The following COMMD9 variants were observed in gnomAD, a reference collection of about 807,000 sequenced individuals.
COMMD9 encodes the protein COMM domain-containing protein 9.
Under a neutral mutation model 23.4 loss-of-function variants are expected in COMMD9, and 22 were observed. The observed-to-expected ratio is 0.94, with a 90% CI of 0.67 to 1.34. The LOEUF (loss-of-function observed/expected upper bound fraction) is 1.34. Among genes scored for constraint, COMMD9 ranks in the 40% most tolerant of loss-of-function variants. The pLI is 0.00. For missense variants in COMMD9, 231 were observed against 240.2 expected (o/e 0.96, Z 0.25); for synonymous variants, 99 against 97.4 (o/e 1.02, Z -0.10).
At position 36,278,498 on chromosome 11, in the gene COMMD9, G is replaced by C; in HGVS notation, c.296C>G (p.Thr99Arg). The C allele has an allele frequency of 1.9e-6, 3 of 1,613,870 alleles. No individual in the cohort carries two copies. Among genetic ancestry groups the C allele is most frequent in the Non-Finnish European group, 2.5e-6 (3 of 1,179,730 alleles). Residue 99 changes from threonine to arginine, a missense_variant, in exon 3 of 6, where the codon ACA (threonine) becomes AGA (arginine). Coordinates refer to ENST00000263401, the MANE Select transcript of COMMD9 (RefSeq NM_014186.4). ...TTACACATGTTCTAGGATGATCTTT[G>C]TCAGCAGGTTTTTGAGGTTTTGGTG... Reference protein sequence around the residue: ...NFHQNLKNLLTKIILEHVSTW... With the variant: ...NFHQNLKNLLRKIILEHVSTW...
At chr11:36,277,956 C>G (rs1201212038) in intron 3 of COMMD9, among the ~76,000 whole-genome samples, 1 of 152,162 alleles carries the variant, frequency 6.6e-6, no homozygotes, top group Non-Finnish European at 1.5e-5. Flanking sequence ...GCCAAACCCT[C>G]AAAATGTCCA....
chr11:36,280,055 A>G (rs1422763660), intron 2 of COMMD9, among the ~76,000 whole-genome samples: 1 of 152,192 alleles, frequency 6.6e-6, no homozygotes, highest in Non-Finnish European at 1.5e-5. Context: ...GCAGTGAGCC[A>G]TGTCCATGCC....
chr11:36,278,646 G>A (rs1372844646), intron 2 of COMMD9, 30 bp from the exon 3 acceptor site: 4 of 1,607,842 alleles, frequency 2.5e-6, no homozygotes, highest in Non-Finnish European at 3.4e-6. Flanking sequence ...ACCTGTAGCT[G>A]TAACAGAAGC....
intron 1 of COMMD9, among the ~76,000 whole-genome samples, chr11:36,286,227 T>G (rs1052970209): frequency 1.2e-4 from 18 of 151,852 alleles, no homozygotes; most frequent in Non-Finnish European, 2.5e-4. Context: ...GTATTTCTAT[T>G]TATTAACAAT....
chr11:36,277,222 C>G (rs1855988760), intron 3 of COMMD9, 99 bp from the exon 4 acceptor site: 1 of 689,546 alleles, frequency 1.5e-6, no homozygotes, highest in Non-Finnish European at 2.3e-6. Context: ...ATCTTCAGAC[C>G]TGTCATCACC....
chr11:36,274,600 G>A lies in COMMD9; in HGVS notation c.*32C>T. The A allele has an allele frequency of 6.2e-7, 1 of 1,613,742 alleles. No individual in the cohort carries two copies. The highest frequency in any genetic ancestry group is 2.2e-5 in the East Asian group (1 of 44,882). On this transcript the variant is annotated 3_prime_UTR_variant, in exon 6 of 6. Transcript: ENST00000263401. ...GACATTTATCACTCATGAGCAGCTG[G>A]GTCATGGCAGTGGCCCTGGCAGCTG...
intron 1 of COMMD9, among the ~76,000 whole-genome samples, chr11:36,288,200 CAA>C (rs1856204317): frequency 6.6e-6 from 1 of 151,922 alleles, no homozygotes; most frequent in African/African-American, 2.4e-5. Context: ...CACTTGTGAA[CAA>C]AAGAGTAGAT....
At chr11:36,281,231 C>T (rs1246646021) in intron 1 of COMMD9, among the ~76,000 whole-genome samples, 1 of 152,134 alleles carries the variant, frequency 6.6e-6, no homozygotes, top group Non-Finnish European at 1.5e-5. Context: ...CAATAAATAG[C>T]TCTTCTGTCT....
chr11:36,278,403 C>G, intron 3 of COMMD9, 74 bp downstream of exon 3: 5 of 1,383,516 alleles, frequency 3.6e-6, no homozygotes, highest in Non-Finnish European at 5.1e-6. Flanking sequence ...GAGCATATTA[C>G]TACTTCTAGA....
In COMMD9 at chr11:36,289,214, A is replaced by G. The variant is rs2133439651; in HGVS notation, c.51+148T>C. On this transcript the variant is annotated intron_variant, in intron 1 of 5. Transcript: ENST00000263401. Reference sequence around the variant, plus strand: ...TGTTCTTACTTTTTAAAAGCTCAGAAAGACGCAACGATTTGCCTGGGATCA... The same window carrying G: ...TGTTCTTACTTTTTAAAAGCTCAGAGAGACGCAACGATTTGCCTGGGATCA... 5 of 632,656 alleles carry G rather than the reference A, an allele frequency of 7.9e-6. No homozygotes were observed. In the East Asian group the frequency reaches 1.6e-4, roughly 20 times the overall value. 39.2% of individuals were successfully genotyped at this position (632,656 alleles called of 1,614,324 possible).
Position 36,280,724 on chromosome 11 carries a change from CTCCTGGGTCA to C in COMMD9, c.155_164del (p.Val52GlyfsTer44), listed in dbSNP as rs756748839. 6.2e-6 allele frequency: 10 copies of C among 1,603,790 alleles called. No individual in the cohort carries two copies. In the African/African-American group the frequency reaches 1.1e-4, roughly 17 times the overall value. On this transcript the variant is annotated frameshift_variant, in exon 2 of 6. Transcript: ENST00000263401. LOFTEE classifies it high-confidence loss of function. ...TGACCACACTTACTTCCTCTGCCTC[CTCCTGGGTCA>C]CAGACAAGCTGGAACATGTAACATC...
intron 2 of COMMD9, 33 bp downstream of exon 2, chr11:36,280,679 C>A: frequency 2.6e-6 from 4 of 1,536,334 alleles, no homozygotes; most frequent in Middle Eastern, 1.8e-4. Flanking sequence ...ATAAGAGGGC[C>A]AGTGGCCAAA....
chr11:36,274,957 CA>C (rs539475897), intron 5 of COMMD9, among the ~76,000 whole-genome samples, 185 bp from the exon 6 acceptor site: 16 of 152,342 alleles, frequency 1.1e-4, no homozygotes, highest in Admixed American at 9.8e-4. Flanking sequence ...GGAGATACCT[CA>C]GAGGCCTGGG....
rs962950483 is a variant in COMMD9 at position 36,274,251 on chromosome 11, G to A, written c.*381C>T. ...TGGGATTGGAAATGAACTAATTAGA[G>A]CTAATGTTGGAAATAAACTTACTTA... On this transcript the variant is annotated 3_prime_UTR_variant, in exon 6 of 6. Transcript: ENST00000263401. 3 of 468,998 alleles carry A rather than the reference G, an allele frequency of 6.4e-6. No homozygotes were observed. The highest frequency in any genetic ancestry group is 1.3e-5 in the Non-Finnish European group (3 of 235,942). The allele number at this position is 468,998 out of a possible 1,614,324, so 29.1% of individuals were successfully genotyped here. A position where few individuals can be genotyped will look rare whatever the true frequency, so the allele number is the denominator to read the frequency against.
At chr11:36,278,747 C>G in intron 2 of COMMD9, 131 bp from the exon 3 acceptor site, 1 of 849,852 alleles carries the variant, frequency 1.2e-6, no homozygotes, top group Non-Finnish European at 1.7e-6. Flanking sequence ...AGTCACAAGT[C>G]CAGAGGCCTC....
rs761485646 is a variant in COMMD9 at position 36,277,108 on chromosome 11, G to C, written c.333C>G (p.Thr111=). The C allele has an allele frequency of 6.2e-7, 1 of 1,604,200 alleles. No individual in the cohort carries two copies. Among genetic ancestry groups the C allele is most frequent in the African/African-American group, 1.3e-5 (1 of 74,564 alleles). The change falls in exon 4 of 6, where the codon ACC becomes ACG. Residue 111 remains threonine (T), a synonymous_variant. Coordinates refer to ENST00000263401, the MANE Select transcript of COMMD9 (RefSeq NM_014186.4). ...IILEHVSTWR[T]EAQANQISLP... ...ACTCACTCTGATTTGCCTGGGCTTC[G>C]GTTCTCCAAGTAGACCTGTTTAAGA...
chr11:36,274,315 C>G lies in COMMD9; in HGVS notation c.*317G>C, dbSNP rs1380696282. The G allele has an allele frequency of 1.7e-6, 1 of 572,538 alleles. No individual in the cohort carries two copies. Among genetic ancestry groups the G allele is most frequent in the African/African-American group, 1.8e-5 (1 of 54,416 alleles). The allele number at this position is 572,538 out of a possible 1,614,324, so 35.5% of individuals were successfully genotyped here. A position where few individuals can be genotyped will look rare whatever the true frequency, so the allele number is the denominator to read the frequency against. The stretch of plus-strand genomic sequence containing the variant: ...ATGATTTGGGCCTGAATTTCTCAAA[C>G]AGCTATGCAGAGGCAGCTGACGATG... On this transcript the variant is annotated 3_prime_UTR_variant, in exon 6 of 6. Transcript: ENST00000263401.
At position 36,274,367 on chromosome 11, in the gene COMMD9, G is replaced by A. The variant is rs1013268548; in HGVS notation, c.*265C>T. On this transcript the variant is annotated 3_prime_UTR_variant, in exon 6 of 6. Coordinates refer to ENST00000263401, the MANE Select transcript of COMMD9 (RefSeq NM_014186.4). ...AAATGTTCCCTCACCCTGCCATGGT[G>A]GTAATTAAGTTGCACTCAGGAGCTT... 1 of 663,162 alleles carries A rather than the reference G, an allele frequency of 1.5e-6. No individual in the cohort carries two copies. Among genetic ancestry groups the A allele is most frequent in the South Asian group, 1.5e-5 (1 of 66,452 alleles). The allele number at this position is 663,162 out of a possible 1,614,324, so 41.1% of individuals were successfully genotyped here. A position where few individuals can be genotyped will look rare whatever the true frequency, so the allele number is the denominator to read the frequency against.
chr11:36,279,367 T>C (rs1162917772), intron 2 of COMMD9, among the ~76,000 whole-genome samples: 1 of 152,224 alleles, frequency 6.6e-6, no homozygotes, highest in Non-Finnish European at 1.5e-5. Flanking sequence ...ATGGTGGTCT[T>C]GTGAATAGAG....
Sources: gnomAD v4.1 joint callset for allele counts (sites outside exome capture counted in the v4.1 genomes callset) on GRCh38, gnomAD v4.1.1 for gene constraint, MANE v1.5 for transcripts, NCBI Gene and HGNC (gene_info 2026-07-23, HGNC 2026-07-21) for gene names.